SLC13A1: variants seen among roughly 807,000 people sequenced by gnomAD.
SLC13A1 encodes solute carrier family 13 member 1.
SLC13A1 carries 65 observed loss-of-function variants against 70.0 expected under a neutral mutation model. The ratio of observed to expected loss-of-function variants is 0.93; its 90% CI spans 0.76 to 1.14. The LOEUF (loss-of-function observed/expected upper bound fraction) is 1.14, where lower values mean the gene tolerates loss of function less well. SLC13A1 is among the 50% of genes most tolerant of loss of function. SLC13A1 has a pLI of 0.00. For missense variants in SLC13A1, 726 were observed against 717.8 expected, an observed-to-expected ratio of 1.01 and a Z score of -0.13; for synonymous variants, 275 against 250.5, an observed-to-expected ratio of 1.10 and a Z score of -0.92.
chr7:123,199,768 A>G, intron 1 of SLC13A1, 80 bp downstream of exon 1: 1 of 1,021,050 alleles, frequency 9.8e-7, no homozygotes, highest in South Asian at 1.4e-5. Flanking sequence ...TGAGCCAGGC[A>G]GTTAAACAGC....
Position 123,148,551 on chromosome 7 carries a change from T to C in SLC13A1, c.661-1241A>G, listed in dbSNP as rs1039091976. ...CACCCATGACCCTGTAAACACCCTT[T>C]GTTGGTTTGATTCTTCCTCTTCCTG... On this transcript the variant is annotated intron_variant, in intron 6 of 14. Coordinates refer to ENST00000194130, the MANE Select transcript of SLC13A1 (RefSeq NM_022444.4). 6 of 423,112 alleles carry C rather than the reference T, an allele frequency of 1.4e-5. No homozygotes were observed. In the East Asian group the frequency reaches 4.6e-4, roughly 32 times the overall value. 26.2% of individuals were successfully genotyped at this position (423,112 alleles called of 1,614,324 possible). A position where few individuals can be genotyped will look rare whatever the true frequency, so the allele number is the denominator to read the frequency against.
chr7:123,169,506 A>T (rs1273909807), intron 3 of SLC13A1, among the ~76,000 whole-genome samples, 171 bp from the exon 4 acceptor site: 1 of 152,220 alleles, frequency 6.6e-6, no homozygotes, highest in Non-Finnish European at 1.5e-5. Flanking sequence ...CGTGACAGCC[A>T]GGTAGAAATC....
intron 13 of SLC13A1, 38 bp from the exon 14 acceptor site, chr7:123,117,646 T>G: frequency 6.8e-7 from 1 of 1,478,578 alleles, no homozygotes; most frequent in Non-Finnish European, 9.1e-7. Flanking sequence ...AGTAAAATTT[T>G]GAGGGTAGAC....
rs146859215 is a variant in SLC13A1 at position 123,162,621 on chromosome 7, G to A, written c.660+5753C>T. 1.7e-3 allele frequency among the ~76,000 whole-genome samples: 255 copies of A among 152,108 alleles called. 2 individuals carry two copies. Among genetic ancestry groups the A allele is most frequent in the African/African-American group, 5.2e-3 (218 of 41,526 alleles). ...AGGAGAGCCAGCTTTTGTTTGTTACGTGATCTAAGCTAAAATACCTTTTTC... is the reference window on the plus strand; with the variant it reads ...AGGAGAGCCAGCTTTTGTTTGTTACATGATCTAAGCTAAAATACCTTTTTC... On this transcript the variant is annotated intron_variant, in intron 6 of 14. Transcript: ENST00000194130.
At chr7:123,126,115 C>A (rs776901110) in intron 10 of SLC13A1, among the ~76,000 whole-genome samples, 7 of 152,104 alleles carry the variant, frequency 4.6e-5, no homozygotes, top group Admixed American at 3.3e-4. Flanking sequence ...TGTGGCAAGG[C>A]GTGATATTTC....
Position 123,130,231 on chromosome 7 carries a change from T to A in SLC13A1, c.933-750A>T, listed in dbSNP as rs10278806. 3.6e-3 allele frequency among the ~76,000 whole-genome samples: 547 copies of A among 152,282 alleles called. 2 individuals are homozygous for A. The highest frequency in any genetic ancestry group is 0.012 in the African/African-American group (516 of 41,560). On this transcript the variant is annotated intron_variant, in intron 8 of 14. Coordinates refer to ENST00000194130, the MANE Select transcript of SLC13A1 (RefSeq NM_022444.4). ...ATTACTTGGTATATACCCAAAGGAA[T>A]ATAAATCATTCTGTTTTAATGATAC...
intron 1 of SLC13A1, among the ~76,000 whole-genome samples, chr7:123,196,623 T>C (rs1796193651): frequency 6.6e-6 from 1 of 152,044 alleles, no homozygotes; most frequent in Admixed American, 6.6e-5. Context: ...ACCCAGCAAA[T>C]GACATCCTTA....
At chr7:123,160,765 T>C (rs1794868268) in intron 6 of SLC13A1, among the ~76,000 whole-genome samples, 1 of 152,154 alleles carries the variant, frequency 6.6e-6, no homozygotes, top group Non-Finnish European at 1.5e-5. Flanking sequence ...GAAAAATTGT[T>C]AGAAAAAATT....
intron 12 of SLC13A1, among the ~76,000 whole-genome samples, chr7:123,119,821 A>G (rs972579869): frequency 6.6e-6 from 1 of 152,000 alleles, no homozygotes; most frequent in Non-Finnish European, 1.5e-5. Context: ...CCACATTCAT[A>G]TATTAACATT....
At chr7:123,198,084 T>C (rs1160321356) in intron 1 of SLC13A1, among the ~76,000 whole-genome samples, 1 of 152,018 alleles carries the variant, frequency 6.6e-6, no homozygotes, top group East Asian at 1.9e-4. Flanking sequence ...GGGCTCCAGG[T>C]ATGAAGCAGG....
rs1361644312 is a variant in SLC13A1 at position 123,191,708 on chromosome 7, C to T, written c.99+8140G>A. On this transcript the variant is annotated intron_variant, in intron 1 of 14. Transcript: ENST00000194130. ...TAACAACACTTGGCACTCCACATGA[C>T]ATTTTATTTAACCCTCGCCAAGATT... 2.0e-5 allele frequency among the ~76,000 whole-genome samples: 3 copies of T among 152,174 alleles called. No individual in the cohort carries two copies. In the East Asian group the frequency reaches 5.8e-4, roughly 29 times the overall value.
In SLC13A1 at chr7:123,169,914, T is replaced by C. The variant is rs187332022; in HGVS notation, c.366-579A>G. Among the ~76,000 whole-genome samples the C allele has an allele frequency of 1.2e-3, 186 of 152,270 alleles. 1 individual carries two copies. The highest frequency in any genetic ancestry group is 4.3e-3 in the African/African-American group (180 of 41,558). ...GTTAAAGTCATTTGCTAAAATGAGG[T>C]TTCTGAATTTTCTGAATATTCTGAT... On this transcript the variant is annotated intron_variant, in intron 3 of 14. Transcript: ENST00000194130.
chr7:123,185,434 A>C (rs971273343), intron 1 of SLC13A1, among the ~76,000 whole-genome samples: 3 of 152,068 alleles, frequency 2.0e-5, no homozygotes, highest in Admixed American at 6.6e-5. Context: ...TTAATTAATT[A>C]ATTCATTTTG....
At chr7:123,186,391 T>A (rs756109520) in intron 1 of SLC13A1, among the ~76,000 whole-genome samples, 5 of 152,100 alleles carry the variant, frequency 3.3e-5, no homozygotes, top group Non-Finnish European at 7.4e-5. Context: ...ATTTTAGGAC[T>A]GGCTTTGAGG....
chr7:123,130,781 TG>T (rs1437607075), intron 8 of SLC13A1, among the ~76,000 whole-genome samples: 1 of 152,214 alleles, frequency 6.6e-6, no homozygotes, highest in Non-Finnish European at 1.5e-5. Context: ...TTTACTCATA[TG>T]TCCTAATAGC....
At chr7:123,188,980 T>G (rs1795906896) in intron 1 of SLC13A1, among the ~76,000 whole-genome samples, 1 of 149,934 alleles carries the variant, frequency 6.7e-6, no homozygotes. Flanking sequence ...CCGGGTGTAG[T>G]GGCGGGCGCC....
intron 1 of SLC13A1, among the ~76,000 whole-genome samples, chr7:123,182,206 C>T (rs1795662647): frequency 1.3e-5 from 2 of 152,162 alleles, no homozygotes; most frequent in South Asian, 4.1e-4. Flanking sequence ...TTGAATGGAT[C>T]TTCCTGAACA....
At chr7:123,175,379 T>C (rs1795413017) in intron 2 of SLC13A1, among the ~76,000 whole-genome samples, 2 of 152,298 alleles carry the variant, frequency 1.3e-5, no homozygotes, top group Admixed American at 1.3e-4. Flanking sequence ...GTTTTCATTT[T>C]CCCTTATCTC....
At chr7:123,158,202 A>T (rs1422075538) in intron 6 of SLC13A1, among the ~76,000 whole-genome samples, 1 of 152,104 alleles carries the variant, frequency 6.6e-6, no homozygotes, top group Non-Finnish European at 1.5e-5. Context: ...CAAGGACCTC[A>T]GAGGTGTTGG....
Sources: gnomAD v4.1 joint callset for allele counts (sites outside exome capture counted in the v4.1 genomes callset) on GRCh38, gnomAD v4.1.1 for gene constraint, MANE v1.5 for transcripts, NCBI Gene and HGNC (gene_info 2026-07-23, HGNC 2026-07-21) for gene names.